Variants in MACROD2 observed in about 807,000 individuals in gnomAD.
MACROD2 encodes mono-ADP ribosylhydrolase 2, also known as ADP-ribose glycohydrolase MACROD2.
A neutral mutation model predicts 70.4 loss-of-function variants in MACROD2; 36 were observed. That is an observed-to-expected ratio of 0.51 (90% CI 0.39 to 0.68). MACROD2 has a LOEUF of 0.68. Ranked by LOEUF, MACROD2 falls within the 30% of genes least tolerant of loss-of-function variation. The pLI is 0.00. For missense variants in MACROD2, 496 were observed against 538.4 expected, an observed-to-expected ratio of 0.92 and a Z score of 0.78; for synonymous variants, 172 against 178.8, an observed-to-expected ratio of 0.96 and a Z score of 0.30.
intron 6 of MACROD2, among the ~76,000 whole-genome samples, chr20:15,423,416 C>T (rs749626476): frequency 1.3e-5 from 2 of 152,236 alleles, no homozygotes; most frequent in East Asian, 1.9e-4. Flanking sequence ...CTATCATCAG[C>T]GGGATGAAGA....
intron 8 of MACROD2, among the ~76,000 whole-genome samples, chr20:15,576,122 C>G (rs1317649221): frequency 6.6e-6 from 1 of 151,918 alleles, no homozygotes; most frequent in Non-Finnish European, 1.5e-5. Context: ...AATTTGTATG[C>G]ACTAAAATTC....
chr20:14,131,947 C>T (rs541624335), intron 3 of MACROD2, among the ~76,000 whole-genome samples: 54 of 151,864 alleles, frequency 3.6e-4, no homozygotes, highest in African/African-American at 1.0e-3. Context: ...CTGGCCAACA[C>T]GGTGAAACCC....
chr20:14,467,726 C>A (rs531275264), intron 3 of MACROD2, among the ~76,000 whole-genome samples: 1 of 152,186 alleles, frequency 6.6e-6, no homozygotes, highest in South Asian at 2.1e-4. Context: ...TAGATCTTTC[C>A]AGCATTCTCC....
chr20:14,713,850 G>C (rs532996980), intron 5 of MACROD2, among the ~76,000 whole-genome samples: 3 of 152,328 alleles, frequency 2.0e-5, no homozygotes, highest in African/African-American at 7.2e-5. Flanking sequence ...GGTAGAATTT[G>C]AGAGATCTGT....
intron 5 of MACROD2, among the ~76,000 whole-genome samples, chr20:14,900,350 C>T (rs960484045): frequency 1.3e-5 from 2 of 152,004 alleles, no homozygotes; most frequent in Non-Finnish European, 2.9e-5. Context: ...AGTGTTTCTT[C>T]GTACTCTTTA....
At chr20:15,281,132 G>C (rs1040196441) in intron 6 of MACROD2, among the ~76,000 whole-genome samples, 3 of 152,142 alleles carry the variant, frequency 2.0e-5, no homozygotes, top group Non-Finnish European at 4.4e-5. Context: ...ACAGTGTGGG[G>C]GAACTGCCAC....
intron 3 of MACROD2, among the ~76,000 whole-genome samples, chr20:14,250,949 T>C (rs962570538): frequency 2.0e-5 from 3 of 152,160 alleles, no homozygotes; most frequent in Admixed American, 6.6e-5. Flanking sequence ...AAAGTTCTAA[T>C]TGATTGTCAG....
intron 5 of MACROD2, among the ~76,000 whole-genome samples, chr20:14,934,603 A>G (rs1049479529): frequency 1.3e-5 from 2 of 152,160 alleles, no homozygotes; most frequent in Non-Finnish European, 2.9e-5. Context: ...CCTGGCCAAC[A>G]TGGTGAAACC....
At chr20:16,030,167 A>G (rs1247585557) in intron 15 of MACROD2, among the ~76,000 whole-genome samples, 1 of 152,224 alleles carries the variant, frequency 6.6e-6, no homozygotes, top group Non-Finnish European at 1.5e-5. Flanking sequence ...GATAGTGCCC[A>G]CTATGGGAAG....
chr20:14,391,845 G>A (rs565673168), intron 3 of MACROD2, among the ~76,000 whole-genome samples: 4 of 146,706 alleles, frequency 2.7e-5, no homozygotes, highest in Admixed American at 1.4e-4. Context: ...AGGTGGACAC[G>A]GGTTGAGAAG....
At chr20:14,783,611 A>G (rs1213898202) in intron 5 of MACROD2, among the ~76,000 whole-genome samples, 1 of 152,122 alleles carries the variant, frequency 6.6e-6, no homozygotes. Flanking sequence ...AGTCACCTGT[A>G]CTGGTAGTCT....
chr20:14,535,505 CAAAAAA>C (rs11357982), intron 4 of MACROD2, among the ~76,000 whole-genome samples: 1 of 62,990 alleles, frequency 1.6e-5, no homozygotes, highest in Non-Finnish European at 3.0e-5. Flanking sequence ...AACTCCGTCT[CAAAAAA>C]AAAAAAAAAA....
At chr20:14,874,963 C>T (rs2073533051) in intron 5 of MACROD2, among the ~76,000 whole-genome samples, 1 of 151,878 alleles carries the variant, frequency 6.6e-6, no homozygotes, top group Admixed American at 6.6e-5. Context: ...CCTTGGCCTC[C>T]CAAAGTGCTG....
intron 5 of MACROD2, among the ~76,000 whole-genome samples, chr20:14,779,617 T>C (rs2072275096): frequency 6.6e-6 from 1 of 152,124 alleles, no homozygotes; most frequent in African/African-American, 2.4e-5. Context: ...TCTTATTTGT[T>C]ATAGGTTTAT....
chr20:15,221,732 G>T (rs1409631379), intron 5 of MACROD2, among the ~76,000 whole-genome samples: 1 of 152,138 alleles, frequency 6.6e-6, no homozygotes, highest in Non-Finnish European at 1.5e-5. Flanking sequence ...TTGATTGAAT[G>T]ATATTTTATA....
chr20:14,072,758 C>T (rs1015600543), intron 2 of MACROD2, among the ~76,000 whole-genome samples: 2 of 151,954 alleles, frequency 1.3e-5, no homozygotes, highest in African/African-American at 4.8e-5. Context: ...CACTGTGAAA[C>T]CCTGTCTCTA....
chr20:15,895,963 C>A (rs550676357), intron 10 of MACROD2, among the ~76,000 whole-genome samples: 12 of 152,304 alleles, frequency 7.9e-5, no homozygotes, highest in African/African-American at 2.9e-4. Flanking sequence ...GACAAAATAA[C>A]CTATGTCTCT....
chr20:14,167,039 A>G (rs1301949073), intron 3 of MACROD2, among the ~76,000 whole-genome samples: 1 of 152,170 alleles, frequency 6.6e-6, no homozygotes, highest in Non-Finnish European at 1.5e-5. Flanking sequence ...AGCTTCTGAA[A>G]TCTACCTCAG....
At chr20:15,928,996 CAT>C (rs56758494) in intron 10 of MACROD2, among the ~76,000 whole-genome samples, 20,718 of 152,068 alleles carry the variant, frequency 0.14, 1,547 homozygotes, top group South Asian at 0.28. Flanking sequence ...CAAAAATAAA[CAT>C]GTGTATTAAT....
Sources: allele counts gnomAD v4.1 joint callset (sites outside exome capture counted in the v4.1 genomes callset), GRCh38; gene constraint gnomAD v4.1.1; transcripts MANE v1.5; gene names NCBI Gene and HGNC (gene_info 2026-07-23, HGNC 2026-07-21).